NODAL: variants seen among roughly 807,000 people sequenced by gnomAD.
NODAL encodes nodal growth differentiation factor.
NODAL carries 12 observed loss-of-function variants against 34.0 expected under a neutral mutation model. That is an observed-to-expected ratio of 0.35 (90% CI 0.23 to 0.57). The LOEUF (loss-of-function observed/expected upper bound fraction) is 0.57, where lower values mean the gene tolerates loss of function less well. NODAL is among the 20% of genes least tolerant of loss of function. The pLI is 0.83. For missense variants in NODAL, 390 were observed against 444.2 expected (o/e 0.88, Z 1.10); for synonymous variants, 162 against 186.4 (o/e 0.87, Z 1.07).
At position 70,432,858 on chromosome 10, in the gene NODAL, T is replaced by TAACCATC; in HGVS notation, c.*77_*78insGATGGTT. On this transcript the variant is annotated 3_prime_UTR_variant, in exon 3 of 3. Coordinates refer to ENST00000287139, the MANE Select transcript of NODAL (RefSeq NM_018055.5). ...CCCCTCTCTGTTTCTCCTTACTGGA[T>TAACCATC]TAGATGGTTATCATGTCTTCCAGGA... The TAACCATC allele has an allele frequency of 1.9e-6, 3 of 1,549,306 alleles. No homozygotes were observed. Among genetic ancestry groups the TAACCATC allele is most frequent in the Non-Finnish European group, 2.7e-6 (3 of 1,123,242 alleles).
rs573099167 is a variant in NODAL, at chr10:70,441,507, C to T, written c.161G>A (p.Arg54Lys). ...CTGTAGGCTGCGGATGATGTCTGCC[C>T]TCGGCAGCGGGTCGCGGTAGAGGCT... is the stretch of plus-strand genomic sequence containing the variant. ...MLSLYRDPLP[R>K]ADIIRSLQAE... Residue 54 changes from arginine (R) to lysine (K), a missense_variant, in exon 1 of 3, where the codon AGG becomes AAG. Transcript: ENST00000287139. 1.9e-6 allele frequency: 3 copies of T among 1,594,440 alleles called. No individual in the cohort carries two copies. Among genetic ancestry groups the T allele is most frequent in the African/African-American group, 1.3e-5 (1 of 74,676 alleles).
chr10:70,441,714 T>C (rs1457046650), upstream of NODAL: 2 of 1,537,610 alleles, frequency 1.3e-6, no homozygotes, highest in Non-Finnish European at 1.8e-6. Flanking sequence ...CCTTATATCC[T>C]GGGCCTCAGC....
chr10:70,442,957 T>C (rs536228210), upstream of NODAL, among the ~76,000 whole-genome samples: 26 of 152,238 alleles, frequency 1.7e-4, no homozygotes, highest in South Asian at 4.2e-3. Context: ...TTTTGTGGTG[T>C]GCGCCTGTAG....
upstream of NODAL, among the ~76,000 whole-genome samples, chr10:70,446,576 G>T (rs1482418933): frequency 1.3e-5 from 2 of 152,118 alleles, no homozygotes; most frequent in Non-Finnish European, 2.9e-5. Flanking sequence ...TGCTTGTCTA[G>T]TGAGTCTCTG....
At position 70,440,398 on chromosome 10, in the gene NODAL, A is replaced by G. The variant is rs551650487; in HGVS notation, c.193+1077T>C. On this transcript the variant is annotated intron_variant, in intron 1 of 2. Transcript: ENST00000287139. Reference sequence around the variant, plus strand: ...GTGTCCCCTGGTCTGGCTGGTCCCCAGATGACCCTTCCGGAGAGGGTCACC... The same window carrying G: ...GTGTCCCCTGGTCTGGCTGGTCCCCGGATGACCCTTCCGGAGAGGGTCACC... Among the ~76,000 whole-genome samples the G allele has an allele frequency of 2.0e-5, 3 of 151,918 alleles. No individual in the cohort carries two copies. In the East Asian group the frequency reaches 5.9e-4, roughly 30 times the overall value.
Position 70,435,785 on chromosome 10 carries a change from C to G in NODAL, c.392G>C (p.Arg131Pro), listed in dbSNP as rs751514518. ...TEQASDSCLERFQMDLFTVTL... is the reference protein window; with the variant it reads ...TEQASDSCLEPFQMDLFTVTL... ...GACAGTGAATAGGTCCATCTGAAAC[C>G]GCTCTAAGCAGCTGTCTGAAGCCTG... Residue 131 changes from arginine to proline, a missense_variant, in exon 2 of 3, where the codon CGG becomes CCG. Physicochemically the swap from Arg to Pro is moderately radical, Grantham distance 103. Coordinates refer to ENST00000287139, the MANE Select transcript of NODAL (RefSeq NM_018055.5). The G allele has an allele frequency of 6.2e-7, 1 of 1,614,130 alleles. No individual in the cohort carries two copies. Among genetic ancestry groups the G allele is most frequent in the Non-Finnish European group, 8.5e-7 (1 of 1,180,040 alleles).
rs765325720 is a variant in NODAL at position 70,435,868 on chromosome 10, G to A, written c.309C>T (p.Leu103=). ...CAATGGCAAGTGAGCCCTCAGTGGG[G>A]AGGTCCACAGGGCTGGACAGCTGCA... ...LRLQLSSPVD[L]PTEGSLAIEI... The change falls in exon 2 of 3, where the codon CTC becomes CTT. Residue 103 remains leucine (L), a synonymous_variant. Coordinates refer to ENST00000287139, the MANE Select transcript of NODAL (RefSeq NM_018055.5). The A allele has an allele frequency of 1.9e-6, 3 of 1,614,152 alleles. No homozygotes were observed. The highest frequency in any genetic ancestry group is 1.7e-6 in the Non-Finnish European group (2 of 1,180,038).
In NODAL at chr10:70,435,447, TTCTG is replaced by T; in HGVS notation, c.726_729del (p.Asp242GlufsTer16). On this transcript the variant is annotated frameshift_variant, in exon 2 of 3. Transcript: ENST00000287139. LOFTEE classifies it high-confidence loss of function. Reference sequence around the variant, plus strand: ...AACTTGACCTTCCGACACAGTTGACTTCTGTCTGGCAAGTGATGTCGACGGTGCC... The same window carrying T: ...AACTTGACCTTCCGACACAGTTGACTTCTGGCAAGTGATGTCGACGGTGCC... The T allele has an allele frequency of 6.2e-7, 1 of 1,614,182 alleles. No individual in the cohort carries two copies. Among genetic ancestry groups the T allele is most frequent in the Non-Finnish European group, 8.5e-7 (1 of 1,180,030 alleles).
In NODAL at chr10:70,435,537, A is replaced by T. The variant is rs773777002; in HGVS notation, c.640T>A (p.Trp214Arg). The T allele has an allele frequency of 6.2e-7, 1 of 1,614,044 alleles. No individual in the cohort carries two copies. Among genetic ancestry groups the T allele is most frequent in the Non-Finnish European group, 8.5e-7 (1 of 1,180,010 alleles). ...GCCCGCCAGGAGCTCTCGGCTTCCC[A>T]CAGCAAGGTGGACCCACCCAGCTGC... ...QRQLGGSTLL[W>R]EAESSWRAQE... Residue 214 changes from tryptophan (W) to arginine (R), a missense_variant, in exon 2 of 3, where the codon TGG becomes AGG. Transcript: ENST00000287139.
Position 70,435,360 on chromosome 10 carries a change from CGTT to C in NODAL, c.814_816del (p.Asn272del). The C allele has an allele frequency of 1.2e-6, 2 of 1,614,166 alleles. No individual in the cohort carries two copies. Among genetic ancestry groups the C allele is most frequent in the Non-Finnish European group, 1.7e-6 (2 of 1,180,018 alleles). ...GGACACTCGCCCTCACAGCGATAGG[CGTT>C]GTACTGCTTGGGGTAGATGATCCAG... On this transcript the variant is annotated inframe_deletion, in exon 2 of 3. Coordinates refer to ENST00000287139, the MANE Select transcript of NODAL (RefSeq NM_018055.5).
At chr10:70,436,060 T>C (rs1448557383) in intron 1 of NODAL, 77 bp from the exon 2 acceptor site, 5 of 1,216,722 alleles carry the variant, frequency 4.1e-6, no homozygotes, top group Non-Finnish European at 6.1e-6. Flanking sequence ...ACAACCACCA[T>C]AGCTCTTGCT....
chr10:70,440,820 C>G (rs1845421400), intron 1 of NODAL, among the ~76,000 whole-genome samples: 1 of 152,182 alleles, frequency 6.6e-6, no homozygotes, highest in African/African-American at 2.4e-5. Context: ...TGCCACAGTT[C>G]GCGACTTCGG....
chr10:70,441,039 G>A (rs1352973575), intron 1 of NODAL, among the ~76,000 whole-genome samples: 1 of 152,238 alleles, frequency 6.6e-6, no homozygotes, highest in African/African-American at 2.4e-5. Context: ...CGCGCGCATT[G>A]TCATCTCGCG....
rs1449441105 is a variant in NODAL, at chr10:70,435,980, A to T, written c.197T>A (p.Val66Glu). Residue 66 changes from valine to glutamate, a missense_variant, in exon 2 of 3, where the codon GTG becomes GAG. By Grantham distance (121) the Val-to-Glu change is moderately radical (BLOSUM62 -2). Transcript: ENST00000287139. ...CGTCCAGTTCTGCCCATCCACTGCC[A>T]CATCTGGGTAGGAGAAAACCAAGAA... ...DIIRSLQAED[V>E]AVDGQNWTFA... 5.6e-6 allele frequency: 9 copies of T among 1,614,132 alleles called. No individual in the cohort carries two copies. In the South Asian group the frequency reaches 9.9e-5, roughly 18 times the overall value.
chr10:70,433,989 C>T (rs1295738498), intron 2 of NODAL, among the ~76,000 whole-genome samples: 1 of 152,116 alleles, frequency 6.6e-6, no homozygotes, highest in East Asian at 1.9e-4. Flanking sequence ...TGAAAATCAG[C>T]AGGCCTGGGT....
chr10:70,447,799 G>A, intron 1 of NODAL: 3 of 452,718 alleles, frequency 6.6e-6, no homozygotes, highest in Non-Finnish European at 1.4e-5. Flanking sequence ...GGTGACCCCT[G>A]ACTCCTTTCT....
chr10:70,443,079 CCT>C (rs1380156964), upstream of NODAL, among the ~76,000 whole-genome samples: 2 of 151,126 alleles, frequency 1.3e-5, no homozygotes, highest in Middle Eastern at 3.2e-3. Flanking sequence ...CGAGTGAGTC[CCT>C]GTCTCAAAAA....
chr10:70,447,810 C>G (rs1845504813), intron 1 of NODAL: 1 of 460,544 alleles, frequency 2.2e-6, no homozygotes, highest in African/African-American at 2.0e-5. Context: ...ACTCCTTTCT[C>G]TCTGAGGCCC....
chr10:70,440,624 G>A (rs1215079885), intron 1 of NODAL, among the ~76,000 whole-genome samples: 1 of 152,170 alleles, frequency 6.6e-6, no homozygotes, highest in Non-Finnish European at 1.5e-5. Context: ...CGCGGAAGGG[G>A]CTCCCTCTCC....
Sources: allele counts gnomAD v4.1 joint callset (sites outside exome capture counted in the v4.1 genomes callset), GRCh38; gene constraint gnomAD v4.1.1; transcripts MANE v1.5; gene names NCBI Gene and HGNC (gene_info 2026-07-23, HGNC 2026-07-21).